The following RTEL1 variants were observed in gnomAD, a reference collection of about 807,000 sequenced individuals.
RTEL1 encodes the protein regulator of telomere length.
A neutral mutation model predicts 162.2 loss-of-function variants in RTEL1; 86 were observed. The ratio of observed to expected loss-of-function variants is 0.53; its 90% CI spans 0.45 to 0.63. The LOEUF is 0.63. Ranked by LOEUF, RTEL1 falls within the 30% of genes least tolerant of loss-of-function variation. The pLI, the probability that RTEL1 is intolerant of heterozygous loss-of-function variation, is 0.00. For synonymous variants in RTEL1, 958 were observed against 717.9 expected (o/e 1.33, Z -5.35); for missense variants, 1,941 against 1,750.2 (o/e 1.11, Z -1.95).
chr20:63,681,703 C>T (rs2090480712), intron 14 of RTEL1: 2 of 985,308 alleles, frequency 2.0e-6, no homozygotes, highest in Non-Finnish European at 2.4e-6. Context: ...GGGCAGGGAC[C>T]AGGTGGGGTG....
chr20:63,684,613 G>A (rs1403390392), intron 14 of RTEL1, among the ~76,000 whole-genome samples: 3 of 152,136 alleles, frequency 2.0e-5, no homozygotes, highest in African/African-American at 7.2e-5. Context: ...AAAGTGCTGG[G>A]ATTACAGGCA....
rs754805200 is a variant in RTEL1, at chr20:63,695,905, C to T, written c.*47C>T. On this transcript the variant is annotated 3_prime_UTR_variant, in exon 35 of 35. Transcript: ENST00000360203. ...ACACCCAACGTGGCTTGATCACCTG[C>T]CTGTCCAGCTCTGGTGGGCCAAGAA... 1.3e-6 allele frequency: 2 copies of T among 1,525,152 alleles called. No homozygotes were observed. Among genetic ancestry groups the T allele is most frequent in the African/African-American group, 1.4e-5 (1 of 72,924 alleles). The allele number at this position is 1,525,152 out of a possible 1,614,324, so 94.5% of individuals were successfully genotyped here. A position where few individuals can be genotyped will look rare whatever the true frequency, so the allele number is the denominator to read the frequency against.
intron 28 of RTEL1, 88 bp downstream of exon 28, chr20:63,691,925 G>A (rs1026900560): frequency 1.2e-4 from 125 of 1,020,790 alleles, no homozygotes; most frequent in African/African-American, 5.1e-4. Flanking sequence ...GGCTGGTCCC[G>A]ATGGGACCAG....
chr20:63,694,647 T>A, intron 31 of RTEL1, 94 bp from the exon 32 acceptor site: 1 of 1,274,978 alleles, frequency 7.8e-7, no homozygotes, highest in Non-Finnish European at 1.1e-6. Context: ...CCTGAGCAGC[T>A]CTCCAGGAGT....
chr20:63,660,131 T>C (rs1327549537), intron 2 of RTEL1, among the ~76,000 whole-genome samples: 1 of 152,206 alleles, frequency 6.6e-6, no homozygotes, highest in Admixed American at 6.5e-5. Flanking sequence ...TATCTCAGAA[T>C]TGAACAAATG....
Position 63,695,126 on chromosome 20 carries a change from T to TGACC in RTEL1, c.3406_3409dup (p.Gly1137AspfsTer51), listed in dbSNP as rs979068387. On this transcript the variant is annotated frameshift_variant, in exon 33 of 35. Coordinates refer to ENST00000360203, the MANE Select transcript of RTEL1 (RefSeq NM_001283009.2). LOFTEE classifies it high-confidence loss of function. ...CGCTTCTCACAGACGTGCACAGACC[T>TGACC]GACCGGCCGGCCCTACCCGGGCATG... 1 of 1,612,238 alleles carries TGACC rather than the reference T, an allele frequency of 6.2e-7. No homozygotes were observed. The highest frequency in any genetic ancestry group is 8.5e-7 in the Non-Finnish European group (1 of 1,179,852).
intron 14 of RTEL1, among the ~76,000 whole-genome samples, chr20:63,684,308 T>C (rs900312164): frequency 7.2e-5 from 11 of 152,308 alleles, no homozygotes; most frequent in African/African-American, 2.6e-4. Context: ...CATGTTTTTG[T>C]TCACTGTGGT....
At chr20:63,663,839 G>GA (rs1184618295) in intron 6 of RTEL1, among the ~76,000 whole-genome samples, 1 of 152,190 alleles carries the variant, frequency 6.6e-6, no homozygotes, top group Non-Finnish European at 1.5e-5. Flanking sequence ...TGAGGACCCT[G>GA]AAGCTGCTCT....
intron 14 of RTEL1, chr20:63,681,399 G>A (rs1452382349): frequency 1.0e-6 from 1 of 985,238 alleles, no homozygotes; most frequent in Non-Finnish European, 1.2e-6. Context: ...CCTGACTGGG[G>A]AAGCCAAGGC....
In RTEL1 at chr20:63,690,925, C is replaced by CG; in HGVS notation, c.2538dup (p.Ser847GlufsTer18). On this transcript the variant is annotated frameshift_variant, in exon 27 of 35. Coordinates refer to ENST00000360203, the MANE Select transcript of RTEL1 (RefSeq NM_001283009.2). LOFTEE classifies it high-confidence loss of function. ...GCCCTGGAGCACAGCGAACAGCGGG[C>CG]GGGGAGCCCTGGCGAGGAGCAGGTA... The CG allele has an allele frequency of 6.4e-7, 1 of 1,556,056 alleles. No individual in the cohort carries two copies. Among genetic ancestry groups the CG allele is most frequent in the Non-Finnish European group, 8.7e-7 (1 of 1,150,338 alleles).
At chr20:63,685,971 C>A in intron 16 of RTEL1, 99 bp downstream of exon 16, 1 of 1,152,734 alleles carries the variant, frequency 8.7e-7, no homozygotes, top group Non-Finnish European at 1.3e-6. Flanking sequence ...GATCTCCTGC[C>A]CCCATGGGCC....
chr20:63,679,884 C>T lies in RTEL1; in HGVS notation c.1073C>T (p.Thr358Met), dbSNP rs760939207. Residue 358 changes from threonine (T) to methionine (M), a missense_variant, in exon 13 of 35, where the codon ACG becomes ATG. Physicochemically the swap from Thr to Met is moderately conservative, Grantham distance 81. Coordinates refer to ENST00000360203, the MANE Select transcript of RTEL1 (RefSeq NM_001283009.2). ...IFELFAEAQITFQTKGCILDS... is the reference protein window; with the variant it reads ...IFELFAEAQIMFQTKGCILDS... ...GAGCTGTTTGCTGAAGCCCAGATCA[C>T]GTTTCAGACCAAGGGCTGCATCCTG... 14 of 1,611,956 alleles carry T rather than the reference C, an allele frequency of 8.7e-6. No individual in the cohort carries two copies. Among genetic ancestry groups the T allele is most frequent in the South Asian group, 4.4e-5 (4 of 91,020 alleles).
chr20:63,680,122 C>T (rs893692936), intron 13 of RTEL1, among the ~76,000 whole-genome samples, 176 bp downstream of exon 13: 3 of 152,216 alleles, frequency 2.0e-5, no homozygotes, highest in Non-Finnish European at 2.9e-5. Flanking sequence ...TGCCAGCTGC[C>T]GTAGAGCCTG....
chr20:63,694,206 G>C (rs1376142524), intron 30 of RTEL1, 166 bp from the exon 31 acceptor site: 1 of 641,784 alleles, frequency 1.6e-6, no homozygotes, highest in Non-Finnish European at 2.8e-6. Flanking sequence ...CAGCAGGCTG[G>C]TGTCTCCTCT....
chr20:63,687,962 C>G lies in RTEL1; in HGVS notation c.1507C>G (p.Pro503Ala). ...CCCTTTCCCAGTCTGCCTGGAGAACCCACACATCATCGACAAGCACCAGAT... is the reference window on the plus strand; with the variant it reads ...CCCTTTCCCAGTCTGCCTGGAGAACGCACACATCATCGACAAGCACCAGAT... ...QIPFPVCLENPHIIDKHQIWV... is the reference protein window; with the variant it reads ...QIPFPVCLENAHIIDKHQIWV... The change falls in exon 18 of 35, where the codon CCA (proline) becomes GCA (alanine). Residue 503 changes from proline (P) to alanine (A), a missense_variant. Coordinates refer to ENST00000360203, the MANE Select transcript of RTEL1 (RefSeq NM_001283009.2). 1 of 1,612,700 alleles carries G rather than the reference C, an allele frequency of 6.2e-7. No individual in the cohort carries two copies. Among genetic ancestry groups the G allele is most frequent in the Non-Finnish European group, 8.5e-7 (1 of 1,179,892 alleles).
intron 8 of RTEL1, among the ~76,000 whole-genome samples, chr20:63,670,782 A>C (rs2090223546): frequency 6.6e-6 from 1 of 151,442 alleles, no homozygotes; most frequent in Non-Finnish European, 1.5e-5. Context: ...CAGGAGTTTG[A>C]GACCAGCCTA....
Position 63,678,132 on chromosome 20 carries a change from T to A in RTEL1, c.920-13T>A, listed in dbSNP as rs1462821534. ...GTGATGCAGACTGCCTTTGCTGCCT[T>A]TCTCTTGCCCAGGGCTGAACATGGA... On this transcript the variant is annotated splice_polypyrimidine_tract_variant and intron_variant, in intron 10 of 34. Coordinates refer to ENST00000360203, the MANE Select transcript of RTEL1 (RefSeq NM_001283009.2). The A allele has an allele frequency of 6.2e-7, 1 of 1,614,184 alleles. No homozygotes were observed. The highest frequency in any genetic ancestry group is 8.5e-7 in the Non-Finnish European group (1 of 1,180,032).
At chr20:63,676,332 C>T (rs1460965616) in intron 10 of RTEL1, among the ~76,000 whole-genome samples, 3 of 152,156 alleles carry the variant, frequency 2.0e-5, no homozygotes, top group Non-Finnish European at 2.9e-5. Context: ...ACAGGAGGGG[C>T]AGCCACACGA....
At chr20:63,682,653 C>T in intron 14 of RTEL1, 2 of 985,808 alleles carry the variant, frequency 2.0e-6, no homozygotes, top group Non-Finnish European at 2.4e-6. Flanking sequence ...TCCTGAGCCC[C>T]TGCAGGTGTG....
Sources: gnomAD v4.1 joint callset for allele counts (sites outside exome capture counted in the v4.1 genomes callset) on GRCh38, gnomAD v4.1.1 for gene constraint, MANE v1.5 for transcripts, NCBI Gene and HGNC (gene_info 2026-07-23, HGNC 2026-07-21) for gene names.